SPOCK1: variants seen among roughly 807,000 people sequenced by gnomAD.
SPOCK1 encodes the protein testican-1.
A neutral mutation model predicts 55.3 loss-of-function variants in SPOCK1; 23 were observed. That is an observed-to-expected ratio of 0.42 (90% CI 0.30 to 0.59). The LOEUF (loss-of-function observed/expected upper bound fraction) is 0.59. SPOCK1 is among the 20% of genes least tolerant of loss of function. The pLI, the probability that SPOCK1 is intolerant of heterozygous loss-of-function variation, is 0.22. For missense variants in SPOCK1, 499 were observed against 552.5 expected, an observed-to-expected ratio of 0.90 and a Z score of 0.97; for synonymous variants, 226 against 221.0, an observed-to-expected ratio of 1.02 and a Z score of -0.20.
chr5:137,193,720 A>G (rs1401387949), intron 3 of SPOCK1, among the ~76,000 whole-genome samples: 1 of 152,196 alleles, frequency 6.6e-6, no homozygotes, highest in Non-Finnish European at 1.5e-5. Flanking sequence ...TTTGGGTACA[A>G]CTAGCAGAGA....
At chr5:137,334,048 A>G (rs1750181145) in intron 2 of SPOCK1, among the ~76,000 whole-genome samples, 1 of 152,122 alleles carries the variant, frequency 6.6e-6, no homozygotes, top group African/African-American at 2.4e-5. Context: ...ATGGAGTCCT[A>G]TTCTCTAGGG....
At chr5:137,189,407 A>G (rs575480656) in intron 3 of SPOCK1, among the ~76,000 whole-genome samples, 1 of 152,338 alleles carries the variant, frequency 6.6e-6, no homozygotes, top group Admixed American at 6.5e-5. Context: ...TCCAGAAATC[A>G]TAGGGCCTTT....
intron 3 of SPOCK1, among the ~76,000 whole-genome samples, chr5:137,248,664 C>T (rs140513904): frequency 1.3e-3 from 198 of 152,294 alleles, no homozygotes; most frequent in African/African-American, 4.6e-3. Flanking sequence ...TTTCCGCATC[C>T]GCACAGATAG....
Position 137,142,789 on chromosome 5 carries a change from T to C in SPOCK1, c.233-2095A>G, listed in dbSNP as rs575848188. 5.3e-5 allele frequency among the ~76,000 whole-genome samples: 8 copies of C among 152,282 alleles called. No homozygotes were observed. The South Asian group carries it at 1.7e-3, about 32-fold the overall frequency. ...CTTCCTGGTCCTAAGTGGAACTCTTTTGGTTCCTGGGGATGTCTGCATAAG... is the reference window on the plus strand; with the variant it reads ...CTTCCTGGTCCTAAGTGGAACTCTTCTGGTTCCTGGGGATGTCTGCATAAG... On this transcript the variant is annotated intron_variant, in intron 3 of 10. Transcript: ENST00000394945.
intron 3 of SPOCK1, among the ~76,000 whole-genome samples, chr5:137,167,125 G>A (rs1754663210): frequency 6.6e-6 from 1 of 152,056 alleles, no homozygotes; most frequent in East Asian, 1.9e-4. Flanking sequence ...GATGGAAAGA[G>A]ATATTTCATG....
chr5:137,205,419 A>G (rs552540880), intron 3 of SPOCK1, among the ~76,000 whole-genome samples: 1 of 152,356 alleles, frequency 6.6e-6, no homozygotes, highest in East Asian at 1.9e-4. Flanking sequence ...GGACAAGTCA[A>G]CAGTTTACAG....
intron 4 of SPOCK1, among the ~76,000 whole-genome samples, chr5:137,130,160 C>G (rs1160200120): frequency 6.6e-6 from 1 of 152,182 alleles, no homozygotes; most frequent in Non-Finnish European, 1.5e-5. Context: ...GTGGTTTTAC[C>G]TTTGCCCCCT....
rs11479277 is a variant in SPOCK1 at position 137,039,270 on chromosome 5, C to CTTTTTTT, written c.589+28438_589+28444dup. Among the ~76,000 whole-genome samples the CTTTTTTT allele has an allele frequency of 3.1e-3, 275 of 88,900 alleles. 24 individuals are homozygous for CTTTTTTT. Among genetic ancestry groups the CTTTTTTT allele is most frequent in the East Asian group, 5.4e-3 (14 of 2,576 alleles). 58.3% of individuals were successfully genotyped at this position (88,900 alleles called of 152,430 possible). A position where few individuals can be genotyped will look rare whatever the true frequency, so the allele number is the denominator to read the frequency against. Reference sequence around the variant, plus strand: ...TCACTCTGCCTTTCTGCCTGCCACACTTTTTTTTTTTTTTTTTTTTTTTTT... The same window carrying CTTTTTTT: ...TCACTCTGCCTTTCTGCCTGCCACACTTTTTTTTTTTTTTTTTTTTTTTTTTTTTTTT... On this transcript the variant is annotated intron_variant, in intron 6 of 10. Coordinates refer to ENST00000394945, the MANE Select transcript of SPOCK1 (RefSeq NM_004598.4).
intron 3 of SPOCK1, among the ~76,000 whole-genome samples, chr5:137,209,421 GCT>G (rs1421134078): frequency 6.6e-6 from 1 of 152,200 alleles, no homozygotes; most frequent in Admixed American, 6.5e-5. Flanking sequence ...GTTTGATTTT[GCT>G]CTGATATGAC....
chr5:137,393,395 T>C (rs1189172740), intron 2 of SPOCK1, among the ~76,000 whole-genome samples: 2 of 151,994 alleles, frequency 1.3e-5, no homozygotes, highest in East Asian at 1.9e-4. Flanking sequence ...ACACATGGAG[T>C]TGACCCAGCC....
chr5:137,310,298 C>A (rs1757767677), intron 2 of SPOCK1, among the ~76,000 whole-genome samples: 1 of 152,142 alleles, frequency 6.6e-6, no homozygotes, highest in African/African-American at 2.4e-5. Context: ...TGAATGGCAC[C>A]AAGCTTTTCT....
intron 2 of SPOCK1, among the ~76,000 whole-genome samples, chr5:137,347,299 T>C (rs904437584): frequency 1.3e-5 from 2 of 152,186 alleles, no homozygotes; most frequent in Non-Finnish European, 2.9e-5. Context: ...TGCTCTGAGC[T>C]CAAAGATTGT....
At chr5:137,007,774 C>G (rs1751278201) in intron 6 of SPOCK1, among the ~76,000 whole-genome samples, 1 of 152,164 alleles carries the variant, frequency 6.6e-6, no homozygotes, top group Admixed American at 6.5e-5. Flanking sequence ...TTTGACCCAG[C>G]AATCTCATTA....
chr5:137,454,690 A>G (rs1753326606), intron 2 of SPOCK1, among the ~76,000 whole-genome samples: 1 of 152,232 alleles, frequency 6.6e-6, no homozygotes, highest in Admixed American at 6.5e-5. Flanking sequence ...TTAAAGTTAC[A>G]TGATTGGCAT....
intron 2 of SPOCK1, among the ~76,000 whole-genome samples, chr5:137,480,391 T>C (rs1414495912): frequency 1.3e-5 from 2 of 150,984 alleles, no homozygotes; most frequent in Non-Finnish European, 2.9e-5. Flanking sequence ...CAATCAATAT[T>C]GCCCCAAGAC....
intron 2 of SPOCK1, among the ~76,000 whole-genome samples, chr5:137,474,141 G>GCA (rs1753789960): frequency 6.6e-6 from 1 of 151,982 alleles, no homozygotes; most frequent in Non-Finnish European, 1.5e-5. Flanking sequence ...ACGGTGCAGC[G>GCA]TATGGTGCAC....
chr5:137,318,954 G>T (rs1316634082), intron 2 of SPOCK1, among the ~76,000 whole-genome samples: 1 of 152,206 alleles, frequency 6.6e-6, no homozygotes, highest in Non-Finnish European at 1.5e-5. Context: ...GACAGAAGAC[G>T]TTTAATAGAT....
chr5:137,321,558 G>A (rs968954169), intron 2 of SPOCK1, among the ~76,000 whole-genome samples: 4 of 152,022 alleles, frequency 2.6e-5, no homozygotes, highest in Admixed American at 1.3e-4. Context: ...AACAGAGTAG[G>A]ATGATATATT....
In SPOCK1 at chr5:136,977,737, G is replaced by A. The variant is rs1034436531; in HGVS notation, c.*917C>T. ...TGCGAGAAAAGTGATTTAGGCAGAC[G>A]GAGGTTTTTTCTCAATCAGAGGCTT... On this transcript the variant is annotated 3_prime_UTR_variant, in exon 11 of 11. Coordinates refer to ENST00000394945, the MANE Select transcript of SPOCK1 (RefSeq NM_004598.4). 2.8e-5 allele frequency: 11 copies of A among 398,768 alleles called. 1 individual carries two copies. Among genetic ancestry groups the A allele is most frequent in the East Asian group, 1.8e-4 (5 of 28,058 alleles). 24.7% of individuals were successfully genotyped at this position (398,768 alleles called of 1,614,324 possible).
Sources: gnomAD v4.1 joint callset for allele counts (sites outside exome capture counted in the v4.1 genomes callset) on GRCh38, gnomAD v4.1.1 for gene constraint, MANE v1.5 for transcripts, NCBI Gene and HGNC (gene_info 2026-07-23, HGNC 2026-07-21) for gene names.